Variants in KDM2B observed in about 807,000 individuals in gnomAD.
The protein encoded by KDM2B is lysine-specific demethylase 2B.
A neutral mutation model predicts 150.0 loss-of-function variants in KDM2B; 26 were observed. The ratio of observed to expected loss-of-function variants is 0.17; its 90% CI spans 0.13 to 0.24. KDM2B has a LOEUF of 0.24. Among genes scored for constraint, KDM2B ranks in the 10% least tolerant of loss-of-function variants. KDM2B has a pLI of 1.00. For missense variants in KDM2B, 1,265 were observed against 1,816.9 expected (o/e 0.70, Z 5.52); for synonymous variants, 734 against 729.5 (o/e 1.01, Z -0.10).
chr12:121,530,494 G>A (rs1282197581), intron 8 of KDM2B, among the ~76,000 whole-genome samples: 1 of 151,924 alleles, frequency 6.6e-6, no homozygotes, highest in Non-Finnish European at 1.5e-5. Flanking sequence ...GAAATCAATG[G>A]CTGGGAACCG....
At chr12:121,544,026 G>C (rs1185513031) in intron 6 of KDM2B, among the ~76,000 whole-genome samples, 1 of 146,708 alleles carries the variant, frequency 6.8e-6, no homozygotes, top group Non-Finnish European at 1.5e-5. Context: ...AGAAAGGGAG[G>C]ATTGCTTGAG....
At chr12:121,486,519 G>A (rs1290040988) in intron 12 of KDM2B, among the ~76,000 whole-genome samples, 1 of 151,632 alleles carries the variant, frequency 6.6e-6, no homozygotes, top group African/African-American at 2.4e-5. Context: ...GGGTGCAGTG[G>A]CTCACTCTTG....
chr12:121,524,873 A>G, intron 8 of KDM2B: 1 of 256,078 alleles, frequency 3.9e-6, no homozygotes, highest in South Asian at 3.4e-5. Flanking sequence ...AGTGATACAC[A>G]AAGCAGCACA....
chr12:121,422,459 T>C, the KDM2B span, among the ~76,000 whole-genome samples: 1 of 152,244 alleles, frequency 6.6e-6, no homozygotes, highest in Admixed American at 6.5e-5. Flanking sequence ...GCCTTCTCCA[T>C]TGGCATATCT....
chr12:121,454,668 C>G (rs1213467386), intron 12 of KDM2B, among the ~76,000 whole-genome samples: 1 of 152,166 alleles, frequency 6.6e-6, no homozygotes, highest in African/African-American at 2.4e-5. Flanking sequence ...CAGGGAGACA[C>G]GTGGTCACCC....
At chr12:121,425,769 C>CTTT (rs111588236), downstream of KDM2B, among the ~76,000 whole-genome samples, 535 of 141,810 alleles carry the variant, frequency 3.8e-3, 7 homozygotes, top group African/African-American at 0.013. Flanking sequence ...TTTGTCTAAA[C>CTTT]TTTTTTTTTT....
the KDM2B span, chr12:121,420,355 T>C: frequency 2.6e-6 from 4 of 1,555,440 alleles, no homozygotes; most frequent in Non-Finnish European, 3.5e-6. Flanking sequence ...CTATAAAATT[T>C]GGTTTCCCTG....
the KDM2B span, among the ~76,000 whole-genome samples, chr12:121,421,390 A>AAC: frequency 5.4e-5 from 8 of 148,574 alleles, no homozygotes; most frequent in South Asian, 1.3e-3. Flanking sequence ...AAAAAAAAAA[A>AAC]AAAAAAAACC....
chr12:121,522,864 G>C (rs1886812630), intron 8 of KDM2B, among the ~76,000 whole-genome samples: 1 of 152,198 alleles, frequency 6.6e-6, no homozygotes, highest in Non-Finnish European at 1.5e-5. Context: ...TATGGATGAG[G>C]AAAGTGAGGC....
intron 12 of KDM2B, among the ~76,000 whole-genome samples, chr12:121,459,011 G>A (rs1047125740): frequency 4.0e-5 from 6 of 150,924 alleles, no homozygotes; most frequent in East Asian, 1.9e-4. Flanking sequence ...ACTTGAACCC[G>A]GGAGGCAGAG....
intron 13 of KDM2B, among the ~76,000 whole-genome samples, chr12:121,446,782 C>A (rs1269757700): frequency 6.6e-6 from 1 of 152,214 alleles, no homozygotes; most frequent in African/African-American, 2.4e-5. Flanking sequence ...TTATGAACCA[C>A]CATAACCCGC....
chr12:121,423,561 C>G, the KDM2B span: 1 of 1,613,446 alleles, frequency 6.2e-7, no homozygotes, highest in Non-Finnish European at 8.5e-7. This position sits in a 1 kb window ranked among gnomAD's most constrained non-coding sequence, Gnocchi z 4.3. Context: ...GAGCCGTGCA[C>G]GTGTTCAAGT....
the KDM2B span, among the ~76,000 whole-genome samples, chr12:121,422,365 C>T: frequency 2.3e-4 from 35 of 152,172 alleles, no homozygotes; most frequent in Non-Finnish European, 4.7e-4. Context: ...CCTCTGCTTT[C>T]CTAAGTTCTA....
At chr12:121,563,616 T>TCAAAA (rs1274503159) in intron 4 of KDM2B, among the ~76,000 whole-genome samples, 1 of 130,304 alleles carries the variant, frequency 7.7e-6, no homozygotes, top group Non-Finnish European at 1.6e-5. Flanking sequence ...AAAAAAAAAG[T>TCAAAA]CAAAACAAAA....
intron 11 of KDM2B, among the ~76,000 whole-genome samples, chr12:121,501,868 G>A (rs919133395): frequency 4.0e-4 from 61 of 152,144 alleles, no homozygotes; most frequent in African/African-American, 1.4e-3. Context: ...TGATCCGCCC[G>A]CCTCGGCCTC....
At chr12:121,563,679 G>A (rs1221746897) in intron 4 of KDM2B, among the ~76,000 whole-genome samples, 2 of 151,886 alleles carry the variant, frequency 1.3e-5, no homozygotes, top group African/African-American at 4.8e-5. Flanking sequence ...AGCACTTTAG[G>A]AGGCTGAGGC....
Position 121,429,906 on chromosome 12 carries a change from T to C in KDM2B, c.*382A>G. ...GATGTGGTGTGTGGTCCACTTTATG[T>C]CAACACCCAAAACCTCGGTGTTGCA... On this transcript the variant is annotated 3_prime_UTR_variant, in exon 23 of 23. Transcript: ENST00000377071. 1 of 610,792 alleles carries C rather than the reference T, an allele frequency of 1.6e-6. No homozygotes were observed. The highest frequency in any genetic ancestry group is 2.9e-6 in the Non-Finnish European group (1 of 340,030). The allele number at this position is 610,792 out of a possible 1,614,324, so 37.8% of individuals were successfully genotyped here.
chr12:121,567,706 CTT>C (rs1180847689), intron 4 of KDM2B, among the ~76,000 whole-genome samples: 12 of 120,904 alleles, frequency 9.9e-5, no homozygotes, highest in African/African-American at 2.3e-4. Context: ...AAATACATTT[CTT>C]TTTTTTTTTT....
At chr12:121,559,365 G>A (rs1410486880) in intron 4 of KDM2B, among the ~76,000 whole-genome samples, 3 of 152,136 alleles carry the variant, frequency 2.0e-5, no homozygotes, top group Admixed American at 6.6e-5. Context: ...GGGAAGTGGT[G>A]GGAGGAGGAA....
Sources: gnomAD v4.1 joint callset for allele counts (sites outside exome capture counted in the v4.1 genomes callset) on GRCh38, gnomAD v4.1.1 for gene constraint, Gnocchi (gnomAD v3.1) non-coding constraint, MANE v1.5 for transcripts, NCBI Gene and HGNC (gene_info 2026-07-23, HGNC 2026-07-21) for gene names.